EFCAB11: variants seen among roughly 807,000 people sequenced by gnomAD.
The protein encoded by EFCAB11 is EF-hand calcium-binding domain-containing protein 11.
EFCAB11 carries 14 observed loss-of-function variants against 23.0 expected under a neutral mutation model. The ratio of observed to expected loss-of-function variants is 0.61; its 90% CI spans 0.40 to 0.95. EFCAB11 has a LOEUF of 0.95. Ranked by LOEUF, EFCAB11 falls within the 40% of genes least tolerant of loss-of-function variation. EFCAB11 has a pLI of 0.00. For missense variants in EFCAB11, 198 were observed against 195.8 expected, an observed-to-expected ratio of 1.01 and a Z score of -0.07; for synonymous variants, 65 against 66.6, an observed-to-expected ratio of 0.98 and a Z score of 0.11.
chr14:89,817,888 G>C (rs1304593202), intron 5 of EFCAB11, among the ~76,000 whole-genome samples: 2 of 152,080 alleles, frequency 1.3e-5, no homozygotes, highest in Non-Finnish European at 2.9e-5. Context: ...CAGCTACTCA[G>C]GATGCTGTGG....
chr14:89,840,587 A>G (rs910342303), intron 5 of EFCAB11, among the ~76,000 whole-genome samples: 1 of 152,246 alleles, frequency 6.6e-6, no homozygotes, highest in Non-Finnish European at 1.5e-5. Flanking sequence ...TAAGACAAAC[A>G]TGATGTATTC....
At chr14:89,799,413 A>C (rs1885693187) in intron 5 of EFCAB11, 2 of 152,228 alleles carry the variant, frequency 1.3e-5, no homozygotes, top group Non-Finnish European at 2.9e-5. Context: ...TTTTCATTGC[A>C]GACAGAATTA....
intron 2 of EFCAB11, 129 bp from the exon 3 acceptor site, chr14:89,950,271 G>C (rs1378400126): frequency 2.2e-6 from 2 of 923,600 alleles, no homozygotes; most frequent in African/African-American, 1.7e-5. Context: ...AAGCAGACAA[G>C]TAATGATACA....
chr14:89,855,588 A>C (rs956028421), intron 5 of EFCAB11, among the ~76,000 whole-genome samples: 1 of 111,440 alleles, frequency 9.0e-6, no homozygotes, highest in Non-Finnish European at 1.7e-5. Context: ...AACATATCCC[A>C]ACTAACTATT....
chr14:89,938,377 T>C (rs1890667661), intron 3 of EFCAB11, among the ~76,000 whole-genome samples: 1 of 152,102 alleles, frequency 6.6e-6, no homozygotes, highest in Non-Finnish European at 1.5e-5. Context: ...GACACAAAAT[T>C]CAAATTATGA....
intron 3 of EFCAB11, among the ~76,000 whole-genome samples, chr14:89,943,296 C>T (rs866327304): frequency 8.7e-5 from 13 of 149,868 alleles, no homozygotes; most frequent in Admixed American, 6.7e-4. Context: ...CCTAGGCTGG[C>T]GTGCAGTGGC....
chr14:89,836,529 C>T (rs1183635605), intron 5 of EFCAB11: 1 of 456,534 alleles, frequency 2.2e-6, no homozygotes, highest in East Asian at 6.9e-5. Context: ...GTGTAAGGCT[C>T]TTCACCATGG....
intron 3 of EFCAB11, among the ~76,000 whole-genome samples, chr14:89,938,582 A>G (rs1890674078): frequency 6.6e-6 from 1 of 151,706 alleles, no homozygotes; most frequent in African/African-American, 2.4e-5. Context: ...ATCTACCTTA[A>G]TGGAAGAAAT....
In EFCAB11 at chr14:89,795,637, G is replaced by A. The variant is rs1375779471; in HGVS notation, c.*1606C>T. On this transcript the variant is annotated 3_prime_UTR_variant, in exon 6 of 6. Coordinates refer to ENST00000316738, the MANE Select transcript of EFCAB11 (RefSeq NM_145231.4). ...AGCCGAGATCGCGCACTGTACTCCA[G>A]CTTAGGTGACAAAGTGAGACTCTGT... 6.6e-6 allele frequency: 1 copy of A among 152,012 alleles called. No homozygotes were observed. Among genetic ancestry groups the A allele is most frequent in the Non-Finnish European group, 1.5e-5 (1 of 68,018 alleles). The allele number at this position is 152,012 out of a possible 1,614,324, so 9.4% of individuals were successfully genotyped here.
At position 89,797,196 on chromosome 14, in the gene EFCAB11, T is replaced by C. The variant is rs1283658109; in HGVS notation, c.*47A>G. 1 of 1,514,230 alleles carries C rather than the reference T, an allele frequency of 6.6e-7. No homozygotes were observed. Among genetic ancestry groups the C allele is most frequent in the Admixed American group, 1.7e-5 (1 of 58,038 alleles). The allele number at this position is 1,514,230 out of a possible 1,614,324, so 93.8% of individuals were successfully genotyped here. ...TTAGTAGAGTCGAGTCTGCTGACAT[T>C]ACAATCTATTGATCTCCCCAGAGTT... On this transcript the variant is annotated 3_prime_UTR_variant, in exon 6 of 6. Transcript: ENST00000316738.
At chr14:89,948,932 A>G (rs941108048) in intron 3 of EFCAB11, among the ~76,000 whole-genome samples, 8 of 152,190 alleles carry the variant, frequency 5.3e-5, no homozygotes, top group Admixed American at 5.2e-4. Flanking sequence ...CAGAATGGTA[A>G]CTATAGTCAA....
chr14:89,892,961 C>A (rs1196422366), intron 5 of EFCAB11, among the ~76,000 whole-genome samples: 1 of 152,112 alleles, frequency 6.6e-6, no homozygotes, highest in Non-Finnish European at 1.5e-5. Context: ...AACTTCCTGT[C>A]CTTGAGCCTC....
At chr14:89,912,389 CTT>C (rs139451621) in intron 5 of EFCAB11, among the ~76,000 whole-genome samples, 1 of 151,198 alleles carries the variant, frequency 6.6e-6, no homozygotes, top group African/African-American at 2.4e-5. Context: ...AGCTCAGGGG[CTT>C]TTTTTTTCTT....
At chr14:89,837,115 G>A (rs940133903) in intron 5 of EFCAB11, 7 of 456,308 alleles carry the variant, frequency 1.5e-5, no homozygotes, top group African/African-American at 1.4e-4. Context: ...CAATATGGCA[G>A]AGTAAACACT....
Position 89,950,146 on chromosome 14 carries a change from G to C in EFCAB11, c.172-4C>G, listed in dbSNP as rs760367364. On this transcript the variant is annotated splice_polypyrimidine_tract_variant and splice_region_variant and intron_variant, in intron 2 of 5. Transcript: ENST00000316738. ...ACATCACAGAATCCACTTCTATCTA[G>C]AAAAGAGGAAAAAATAATAGAACAT... 3 of 1,552,162 alleles carry C rather than the reference G, an allele frequency of 1.9e-6. No individual in the cohort carries two copies. The South Asian group carries it at 3.4e-5, about 18-fold the overall frequency.
chr14:89,915,499 A>G (rs1387423986), intron 5 of EFCAB11, among the ~76,000 whole-genome samples: 3 of 152,224 alleles, frequency 2.0e-5, no homozygotes, highest in Non-Finnish European at 2.9e-5. Flanking sequence ...CTCGGCTCTC[A>G]ATCTGTTTGG....
Position 89,939,151 on chromosome 14 carries a change from T to C in EFCAB11, c.218-6524A>G, listed in dbSNP as rs146900749. Reference sequence around the variant, plus strand: ...AGTCCTAATACCTTATTCTGGACTTTAAAGCTTCATCCTTCCTTCCGTGCA... The same window carrying C: ...AGTCCTAATACCTTATTCTGGACTTCAAAGCTTCATCCTTCCTTCCGTGCA... On this transcript the variant is annotated intron_variant, in intron 3 of 5. Transcript: ENST00000316738. Among the ~76,000 whole-genome samples the C allele has an allele frequency of 1.1e-4, 16 of 152,220 alleles. No homozygotes were observed. The East Asian group carries it at 2.3e-3, about 22-fold the overall frequency.
chr14:89,895,203 T>C (rs1365509353), intron 5 of EFCAB11, among the ~76,000 whole-genome samples: 1 of 152,210 alleles, frequency 6.6e-6, no homozygotes, highest in East Asian at 1.9e-4. Flanking sequence ...AGCAGTGTGA[T>C]GGTTCAGAAA....
chr14:89,804,085 A>G (rs1018242043), intron 5 of EFCAB11, among the ~76,000 whole-genome samples: 1 of 152,142 alleles, frequency 6.6e-6, no homozygotes, highest in African/African-American at 2.4e-5. Flanking sequence ...CTTTGACTCC[A>G]GCCATTGCTG....
Sources: allele counts gnomAD v4.1 joint callset (sites outside exome capture counted in the v4.1 genomes callset), GRCh38; gene constraint gnomAD v4.1.1; transcripts MANE v1.5; gene names NCBI Gene and HGNC (gene_info 2026-07-23, HGNC 2026-07-21).